The following PDE10A variants were observed in gnomAD, a reference collection of about 807,000 sequenced individuals.
PDE10A encodes the protein phosphodiesterase 10A, also known as cAMP and cAMP-inhibited cGMP 3',5'-cyclic phosphodiesterase 10A.
A neutral mutation model predicts 97.7 loss-of-function variants in PDE10A; 39 were observed. The ratio of observed to expected loss-of-function variants is 0.40; its 90% CI spans 0.31 to 0.52. The LOEUF (loss-of-function observed/expected upper bound fraction) is 0.52. Among genes scored for constraint, PDE10A ranks in the 20% least tolerant of loss-of-function variants. The pLI, the probability that PDE10A is intolerant of heterozygous loss-of-function variation, is 0.56. For missense variants in PDE10A, 731 were observed against 1,047.8 expected, an observed-to-expected ratio of 0.70 and a Z score of 4.17; for synonymous variants, 371 against 376.8, an observed-to-expected ratio of 0.98 and a Z score of 0.18.
chr6:165,739,519 C>A (rs1454159257), intron 1 of PDE10A, among the ~76,000 whole-genome samples: 2 of 151,976 alleles, frequency 1.3e-5, no homozygotes, highest in Non-Finnish European at 2.9e-5. Flanking sequence ...AATGTAAGAT[C>A]TGAAGCTGTG....
chr6:165,395,117 G>C, intron 15 of PDE10A, 64 bp downstream of exon 15: 1 of 977,294 alleles, frequency 1.0e-6, no homozygotes, highest in Non-Finnish European at 1.6e-6. Flanking sequence ...AGGCATATAT[G>C]TAGAAGGAGG....
rs548261327 is a variant in PDE10A at position 165,866,074 on chromosome 6, T to A, written c.-615+121455A>T. ...ATTAACAAAATGCAGAAGTAAGTCCTCACCTACAAATAACACCACAAATGT... is the reference window on the plus strand; with the variant it reads ...ATTAACAAAATGCAGAAGTAAGTCCACACCTACAAATAACACCACAAATGT... On this transcript the variant is annotated intron_variant, in intron 1 of 19. Coordinates refer to the PDE10A transcript ENST00000366882. Among the ~76,000 whole-genome samples the A allele has an allele frequency of 2.0e-5, 3 of 152,176 alleles. No homozygotes were observed. The South Asian group carries it at 6.2e-4, about 32-fold the overall frequency.
intron 1 of PDE10A, among the ~76,000 whole-genome samples, chr6:165,958,747 G>GAAAGAAAGAAAGAGAA (rs10654760): frequency 9.4e-6 from 1 of 106,134 alleles, no homozygotes; most frequent in Non-Finnish European, 2.0e-5. Flanking sequence ...AAGAAAGAAA[G>GAAAGAAAGAAAGAGAA]AGAAAGAAAG....
At position 165,661,568 on chromosome 6, in the gene PDE10A, G is replaced by A. The variant is rs985744297; in HGVS notation, c.865+379C>T. 2 of 189,818 alleles carry A rather than the reference G, an allele frequency of 1.1e-5. No individual in the cohort carries two copies. Among genetic ancestry groups the A allele is most frequent in the Non-Finnish European group, 2.1e-5 (2 of 93,094 alleles). The allele number at this position is 189,818 out of a possible 1,614,324, so 11.8% of individuals were successfully genotyped here. ...TCCAGCCAAGTGGCCACAGGCTCAA[G>A]AGGGAGGAACCTAAGTGGTCACAAA... On this transcript the variant is annotated intron_variant, in intron 1 of 21. Transcript: ENST00000539869. This position sits in a 1 kb window ranked among gnomAD's most constrained non-coding sequence, Gnocchi z 4.8.
At chr6:165,903,172 C>T (rs1426451325) in intron 1 of PDE10A, among the ~76,000 whole-genome samples, 1 of 152,094 alleles carries the variant, frequency 6.6e-6, no homozygotes, top group East Asian at 1.9e-4. Flanking sequence ...TCGGTTTTTA[C>T]AGAATTTTGT....
intron 1 of PDE10A, among the ~76,000 whole-genome samples, chr6:165,806,211 CTT>C (rs1583119507): frequency 6.6e-6 from 1 of 152,076 alleles, no homozygotes; most frequent in African/African-American, 2.4e-5. Context: ...TGGCTGTGCT[CTT>C]TTGTGTAAGG....
chr6:165,451,905 G>A (rs915969785), intron 3 of PDE10A, among the ~76,000 whole-genome samples: 1 of 152,206 alleles, frequency 6.6e-6, no homozygotes, highest in Non-Finnish European at 1.5e-5. Context: ...CAGTATGCTA[G>A]TGCTAGGTTG....
At chr6:165,986,500 C>CCTCTCTCTCTCTGTCTCTCTCTCTCTCT (rs1785223088) in intron 1 of PDE10A, 2 of 130,434 alleles carry the variant, frequency 1.5e-5, no homozygotes, top group Non-Finnish European at 3.2e-5. Flanking sequence ...TGGTGTTGCG[C>CCTCTCTCTCTCTGTCTCTCTCTCTCTCT]CTCTCTCTCT....
intron 3 of PDE10A, among the ~76,000 whole-genome samples, chr6:165,462,097 A>G (rs1005610108): frequency 1.4e-4 from 21 of 152,028 alleles, no homozygotes; most frequent in African/African-American, 4.8e-4. Flanking sequence ...TCCAGCTTCT[A>G]TTAAAACAGA....
chr6:165,981,982 A>C (rs531363141), intron 1 of PDE10A, among the ~76,000 whole-genome samples: 9 of 152,328 alleles, frequency 5.9e-5, no homozygotes, highest in African/African-American at 1.9e-4. Context: ...ACTTTTAACT[A>C]GTTTTAGAGA....
chr6:165,649,581 G>A (rs1005983344), intron 1 of PDE10A, among the ~76,000 whole-genome samples: 1 of 152,114 alleles, frequency 6.6e-6, no homozygotes, highest in Non-Finnish European at 1.5e-5. Flanking sequence ...CCTAGCCCCG[G>A]TATACAGCAG....
intron 1 of PDE10A, among the ~76,000 whole-genome samples, chr6:165,775,955 A>C (rs1778169358): frequency 6.6e-6 from 1 of 152,242 alleles, no homozygotes; most frequent in Non-Finnish European, 1.5e-5. Flanking sequence ...ATGGAATTCA[A>C]CTTGAATAAT....
At chr6:165,901,811 A>G (rs766182594) in intron 1 of PDE10A, among the ~76,000 whole-genome samples, 41 of 152,150 alleles carry the variant, frequency 2.7e-4, no homozygotes, top group Non-Finnish European at 5.1e-4. Flanking sequence ...AAAAAAAAAA[A>G]GAAAAGAATT....
At chr6:165,843,869 A>G (rs573525412) in intron 1 of PDE10A, among the ~76,000 whole-genome samples, 110 of 152,220 alleles carry the variant, frequency 7.2e-4, no homozygotes, top group Admixed American at 2.7e-3. Flanking sequence ...GTGCCTAAAG[A>G]GAGACCTGTG....
intron 16 of PDE10A, among the ~76,000 whole-genome samples, chr6:165,391,809 C>T (rs533448578): frequency 7.2e-5 from 11 of 152,192 alleles, no homozygotes; most frequent in African/African-American, 2.6e-4. Flanking sequence ...TAGGATGGAC[C>T]TTCACAAGTA....
intron 1 of PDE10A, among the ~76,000 whole-genome samples, chr6:165,979,939 T>C (rs1313594963): frequency 6.6e-6 from 1 of 152,240 alleles, no homozygotes; most frequent in Non-Finnish European, 1.5e-5. Flanking sequence ...TCATTCTCTG[T>C]CACTACTTAA....
chr6:165,710,176 C>A (rs1014998003), intron 1 of PDE10A, among the ~76,000 whole-genome samples: 2 of 152,176 alleles, frequency 1.3e-5, no homozygotes, highest in African/African-American at 2.4e-5. Flanking sequence ...TAAGCCCACG[C>A]AGCACTGACC....
rs537764168 is a variant in PDE10A, at chr6:165,388,762, G to A, written c.2455-309C>T. On this transcript the variant is annotated intron_variant, in intron 16 of 21. Coordinates refer to ENST00000539869, the MANE Select transcript of PDE10A (RefSeq NM_001385079.1). This position sits in a 1 kb window ranked among gnomAD's most constrained non-coding sequence, Gnocchi z 4.0. Reference sequence around the variant, plus strand: ...ATCAACTTAAAGGTATAAAGCAAATGTTCCAAAAAAGTACAGATAAAGCAA... The same window carrying A: ...ATCAACTTAAAGGTATAAAGCAAATATTCCAAAAAAGTACAGATAAAGCAA... Among the ~76,000 whole-genome samples the A allele has an allele frequency of 2.6e-5, 4 of 152,204 alleles. No homozygotes were observed. The South Asian group carries it at 8.3e-4, about 32-fold the overall frequency.
At chr6:165,695,890 T>A (rs576863406) in intron 1 of PDE10A, among the ~76,000 whole-genome samples, 1 of 152,296 alleles carries the variant, frequency 6.6e-6, no homozygotes, top group Non-Finnish European at 1.5e-5. Flanking sequence ...CAGAATTTGA[T>A]GTTTGTAATG....
Sources: gnomAD v4.1 joint callset for allele counts (sites outside exome capture counted in the v4.1 genomes callset) on GRCh38, gnomAD v4.1.1 for gene constraint, Gnocchi (gnomAD v3.1) non-coding constraint, MANE v1.5 for transcripts, NCBI Gene and HGNC (gene_info 2026-07-23, HGNC 2026-07-21) for gene names.